Variants in PKHD1L1 observed in about 807,000 individuals in gnomAD.
PKHD1L1 encodes the protein PKHD1 like 1, also known as fibrocystin-L.
Under a neutral mutation model 462.9 loss-of-function variants are expected in PKHD1L1, and 434 were observed. That is an observed-to-expected ratio of 0.94 (90% confidence interval 0.87 to 1.02). The LOEUF (loss-of-function observed/expected upper bound fraction) is 1.02, where lower values mean the gene tolerates loss of function less well. Ranked by LOEUF, PKHD1L1 falls within the 50% of genes least tolerant of loss-of-function variation. The pLI is 0.00. For synonymous variants in PKHD1L1, 1,781 were observed against 1,750.0 expected (o/e 1.02, Z -0.44); for missense variants, 5,202 against 5,096.1 (o/e 1.02, Z -0.63).
chr8:109,450,270 T>C (rs1230910378), intron 40 of PKHD1L1, among the ~76,000 whole-genome samples: 1 of 152,238 alleles, frequency 6.6e-6, no homozygotes, highest in Admixed American at 6.5e-5. Context: ...TTTAAGAAGA[T>C]ATTTAAACAA....
At chr8:109,411,515 T>C (rs1238106700) in intron 19 of PKHD1L1, among the ~76,000 whole-genome samples, 1 of 152,216 alleles carries the variant, frequency 6.6e-6, no homozygotes, top group African/African-American at 2.4e-5. Context: ...AACGTAGTAC[T>C]AGCAGCCATG....
rs1814677239 is a variant in PKHD1L1 at position 109,425,192 on chromosome 8, T to G, written c.2805T>G (p.Ser935Arg). The G allele has an allele frequency of 6.2e-7, 1 of 1,607,958 alleles. No individual in the cohort carries two copies. Among genetic ancestry groups the G allele is most frequent in the Non-Finnish European group, 8.5e-7 (1 of 1,177,992 alleles). Residue 935 changes from serine (S) to arginine (R), a missense_variant, in exon 24 of 78, where the codon AGT becomes AGG. Ser to Arg is a moderately radical substitution (Grantham distance 110). Around this residue, in one of 3 missense-constraint regions of PKHD1L1, gnomAD observed 4,497 missense variants for 4,336.8 expected, o/e 1.04. Transcript: ENST00000378402. ...QRIQAASPPL[S>R]GSFDIQAYGH... ...TTCAAGCTGCATCTCCACCTCTAAG[T>G]GGCAGCTTTGACATTCAAGCTTATG...
intron 27 of PKHD1L1, among the ~76,000 whole-genome samples, chr8:109,430,394 T>C (rs1003384375): frequency 2.0e-5 from 3 of 152,128 alleles, no homozygotes; most frequent in Non-Finnish European, 2.9e-5. Context: ...GTGGAGTCTT[T>C]TATTCTATGA....
intron 62 of PKHD1L1, among the ~76,000 whole-genome samples, chr8:109,492,855 A>G (rs1160775008): frequency 1.3e-5 from 2 of 151,792 alleles, no homozygotes; most frequent in African/African-American, 4.8e-5. Context: ...TGTGTGCTCT[A>G]TGCTTCCATT....
Position 109,461,809 on chromosome 8 carries a change from T to C in PKHD1L1, c.7284T>C (p.Phe2428=). 1 of 1,609,762 alleles carries C rather than the reference T, an allele frequency of 6.2e-7. No individual in the cohort carries two copies. Among genetic ancestry groups the C allele is most frequent in the Middle Eastern group, 1.7e-4 (1 of 6,052 alleles). ...CACAGACCTGTCTCCAAGGAAAGTT[T>C]GGAGAAGAAATAGGAAGTGACCAAT... The part of the protein sequence containing the change: ...FATQTCLQGK[F]GEEIGSDQFG... The change falls in exon 48 of 78, where the codon TTT becomes TTC. Residue 2428 remains phenylalanine (F), a synonymous_variant. Transcript: ENST00000378402.
chr8:109,468,605 T>C (rs1817565415), intron 50 of PKHD1L1, among the ~76,000 whole-genome samples: 1 of 152,216 alleles, frequency 6.6e-6, no homozygotes, highest in African/African-American at 2.4e-5. Context: ...ATTCTGGAAC[T>C]GGAGAAAGAA....
At position 109,362,620 on chromosome 8, in the gene PKHD1L1, G is replaced by A; in HGVS notation, c.40G>A (p.Gly14Arg). Residue 14 changes from glycine to arginine, a missense_variant, in exon 1 of 78, where the codon GGG becomes AGG. Gly to Arg is a moderately radical substitution (Grantham distance 125). Transcript: ENST00000378402. ...LWLLGIWGLC[G>R]LLLCAADPST... ...GCTCCTGGGTATTTGGGGCCTCTGT[G>A]GGCTGCTCCTGTGTGCCGCGGATCC... 1 of 1,609,346 alleles carries A rather than the reference G, an allele frequency of 6.2e-7. No homozygotes were observed. Among genetic ancestry groups the A allele is most frequent in the Non-Finnish European group, 8.5e-7 (1 of 1,177,950 alleles).
At chr8:109,436,267 A>G (rs1333848983) in intron 29 of PKHD1L1, 71 bp from the exon 30 acceptor site, 1 of 1,483,668 alleles carries the variant, frequency 6.7e-7, no homozygotes, top group East Asian at 2.3e-5. Flanking sequence ...TTCTCAAAAA[A>G]TGTTACTAAC....
At position 109,443,824 on chromosome 8, in the gene PKHD1L1, T is replaced by C; in HGVS notation, c.4713T>C (p.Ile1571=). 1 of 1,613,852 alleles carries C rather than the reference T, an allele frequency of 6.2e-7. No individual in the cohort carries two copies. Among genetic ancestry groups the C allele is most frequent in the Non-Finnish European group, 8.5e-7 (1 of 1,179,776 alleles). ...SSCFSPSISN[I]TPSTGTVNEL... is the part of the protein sequence containing the mutation. ...GTTTTTCACCATCTATAAGCAACAT[T>C]ACTCCGTCCACTGGAACAGTAAATG... is the stretch of plus-strand genomic sequence containing the variant. The change falls in exon 37 of 78, where the codon ATT becomes ATC. Residue 1571 remains isoleucine (I), a synonymous_variant. Transcript: ENST00000378402.
At chr8:109,499,472 A>G (rs1335564070) in intron 67 of PKHD1L1, among the ~76,000 whole-genome samples, 1 of 152,230 alleles carries the variant, frequency 6.6e-6, no homozygotes, top group Non-Finnish European at 1.5e-5. Context: ...TTTAAGTGTT[A>G]ATTGCAATGC....
rs913187161 is a variant in PKHD1L1 at position 109,531,162 on chromosome 8, G to A, written c.*1072G>A. Among the ~76,000 whole-genome samples, 76 of 152,134 alleles carry A rather than the reference G, an allele frequency of 5.0e-4. No homozygotes were observed. The highest frequency in any genetic ancestry group is 3.9e-3 in the Admixed American group (59 of 15,278). ...GAGAGAATTCAACAAAGCCCATACCGTTGTCTCTTGTATAACATCTCCTAG... is the reference window on the plus strand; with the variant it reads ...GAGAGAATTCAACAAAGCCCATACCATTGTCTCTTGTATAACATCTCCTAG... On this transcript the variant is annotated 3_prime_UTR_variant, in exon 78 of 78. Coordinates refer to ENST00000378402, the MANE Select transcript of PKHD1L1 (RefSeq NM_177531.6).
intron 62 of PKHD1L1, among the ~76,000 whole-genome samples, chr8:109,493,079 C>A (rs1374638998): frequency 6.6e-6 from 1 of 150,570 alleles, no homozygotes; most frequent in Admixed American, 6.7e-5. Context: ...CACCTGTAAT[C>A]CTAGCTACTT....
At chr8:109,503,440 G>C (rs1243811705) in intron 67 of PKHD1L1, among the ~76,000 whole-genome samples, 3 of 152,150 alleles carry the variant, frequency 2.0e-5, no homozygotes, top group Admixed American at 2.0e-4. Context: ...ATCTGCTACT[G>C]TGATATTTTC....
At chr8:109,426,200 T>C (rs111365945) in intron 24 of PKHD1L1, among the ~76,000 whole-genome samples, 1,723 of 149,716 alleles carry the variant, frequency 0.012, 38 homozygotes, top group African/African-American at 0.04. Flanking sequence ...GACTTATAGG[T>C]TATCAGTATT....
intron 23 of PKHD1L1, among the ~76,000 whole-genome samples, chr8:109,423,431 A>G (rs1484183419): frequency 6.6e-6 from 1 of 152,158 alleles, no homozygotes; most frequent in Non-Finnish European, 1.5e-5. Flanking sequence ...GTCAAAAATC[A>G]TATTTGTGTG....
At position 109,445,087 on chromosome 8, in the gene PKHD1L1, AC is replaced by A. The variant is rs1186843745; in HGVS notation, c.5220del (p.Ser1742HisfsTer3). On this transcript the variant is annotated frameshift_variant, in exon 38 of 78. Transcript: ENST00000378402. LOFTEE classifies it high-confidence loss of function. Reference sequence around the variant, plus strand: ...GCCTGCCCAGTGCCAGGGAAACTGCACCTTTTCATACTTAGAAAGCATCACT... The same window carrying A: ...GCCTGCCCAGTGCCAGGGAAACTGCACTTTTCATACTTAGAAAGCATCACT... ...GVPAQCQGNCTFSYLESITPY... is the reference protein window; with the variant it reads ...GVPAQCQGNCXFSYLESITPY... 5.0e-6 allele frequency: 8 copies of A among 1,613,848 alleles called. No homozygotes were observed. Among genetic ancestry groups the A allele is most frequent in the Admixed American group, 1.7e-5 (1 of 59,994 alleles).
intron 77 of PKHD1L1, among the ~76,000 whole-genome samples, chr8:109,528,853 C>T (rs1453404748): frequency 6.6e-6 from 1 of 152,094 alleles, no homozygotes; most frequent in East Asian, 1.9e-4. Context: ...AAAGTTGCGT[C>T]TTTACCTCTG....
intron 73 of PKHD1L1, among the ~76,000 whole-genome samples, chr8:109,519,535 T>A (rs984448680): frequency 1.3e-5 from 2 of 152,064 alleles, no homozygotes; most frequent in African/African-American, 4.8e-5. Flanking sequence ...TATCCCCCAC[T>A]GCTAACCTGC....
At chr8:109,365,912 T>C (rs1249651916) in intron 2 of PKHD1L1, among the ~76,000 whole-genome samples, 1 of 152,038 alleles carries the variant, frequency 6.6e-6, no homozygotes, top group African/African-American at 2.4e-5. Context: ...AGGCAGAGGT[T>C]GCAGTGAGCC....
Sources: gnomAD v4.1 joint callset for allele counts (sites outside exome capture counted in the v4.1 genomes callset) on GRCh38, gnomAD v4.1.1 for gene constraint, gnomAD v4.1.1 regional missense constraint, MANE v1.5 for transcripts, NCBI Gene and HGNC (gene_info 2026-07-23, HGNC 2026-07-21) for gene names.